The following C2CD2 variants were observed in gnomAD, a reference collection of about 807,000 sequenced individuals.
C2CD2 encodes C2 calcium dependent domain containing 2.
A neutral mutation model predicts 74.3 loss-of-function variants in C2CD2; 43 were observed. The observed-to-expected ratio is 0.58, with a 90% CI of 0.45 to 0.75. C2CD2 has a LOEUF of 0.75. Among genes scored for constraint, C2CD2 ranks in the 30% least tolerant of loss-of-function variants. The probability of loss-of-function intolerance (pLI) is 0.00; values close to 1 mark genes in which losing one functional copy is unlikely to be tolerated. For missense variants in C2CD2, 801 were observed against 916.3 expected, an observed-to-expected ratio of 0.87 and a Z score of 1.63; for synonymous variants, 422 against 390.7, an observed-to-expected ratio of 1.08 and a Z score of -0.94.
At position 41,953,903 on chromosome 21, in the gene C2CD2, C is replaced by A; in HGVS notation, c.-255G>T. ...CAGGGGCGCGAGCGGACCCCGCGGC[C>A]CGCGCTCCCGACTCGGCGTCTGGGA... On this transcript the variant is annotated 5_prime_UTR_variant, in exon 1 of 14. Transcript: ENST00000380486. 5.2e-6 allele frequency: 1 copy of A among 192,258 alleles called. No homozygotes were observed. Among genetic ancestry groups the A allele is most frequent in the Non-Finnish European group, 1.0e-5 (1 of 96,322 alleles). The allele number at this position is 192,258 out of a possible 1,614,324, so 11.9% of individuals were successfully genotyped here.
chr21:41,918,007 G>T, intron 5 of C2CD2, 98 bp downstream of exon 5: 1 of 1,414,094 alleles, frequency 7.1e-7, no homozygotes, highest in Non-Finnish European at 9.9e-7. Flanking sequence ...TACCATGGGA[G>T]GTGGAGGAAC....
chr21:41,924,674 A>G lies in C2CD2; in HGVS notation c.379-2589T>C, dbSNP rs888108239. Among the ~76,000 whole-genome samples the G allele has an allele frequency of 6.6e-6, 1 of 152,176 alleles. No homozygotes were observed. Among genetic ancestry groups the G allele is most frequent in the Admixed American group, 6.5e-5 (1 of 15,286 alleles). ...TCCCTGTCCTTGGTCTCAACAGCCC[A>G]CTCCTTTTACTGCTTAAAGTAAAAA... is the stretch of plus-strand genomic sequence containing the variant. On this transcript the variant is annotated intron_variant, in intron 2 of 13. Coordinates refer to ENST00000380486, the MANE Select transcript of C2CD2 (RefSeq NM_015500.2). The surrounding 1 kb of genome is among the most constrained non-coding windows in gnomAD (Gnocchi z 4.4).
Position 41,931,886 on chromosome 21 carries a change from GCATCCCACCAC to G in C2CD2, c.379-9812_379-9802del, listed in dbSNP as rs1312729718. ...CCAACATCCCACCACCCCACCTCCA[GCATCCCACCAC>G]CCCACCTCCAGCATCCCACCACCCC... is the stretch of plus-strand genomic sequence containing the variant. On this transcript the variant is annotated intron_variant, in intron 2 of 13. Coordinates refer to ENST00000380486, the MANE Select transcript of C2CD2 (RefSeq NM_015500.2). 7.4e-4 allele frequency among the ~76,000 whole-genome samples: 55 copies of G among 74,452 alleles called. 2 individuals carry two copies. The highest frequency in any genetic ancestry group is 2.0e-4 in the Non-Finnish European group (7 of 35,726). 48.8% of individuals were successfully genotyped at this position (74,452 alleles called of 152,430 possible).
chr21:41,888,967 T>G lies in C2CD2; in HGVS notation c.*157A>C, dbSNP rs1233653266. On this transcript the variant is annotated 3_prime_UTR_variant, in exon 14 of 14. Transcript: ENST00000380486. Reference sequence around the variant, plus strand: ...TGGGAGAAGCCTCCTGGCTGGAGACTCAGATTTTGTTTTCCCTTTAAATGA... The same window carrying G: ...TGGGAGAAGCCTCCTGGCTGGAGACGCAGATTTTGTTTTCCCTTTAAATGA... The G allele has an allele frequency of 3.1e-6, 2 of 642,896 alleles. No homozygotes were observed. Among genetic ancestry groups the G allele is most frequent in the East Asian group, 2.7e-5 (1 of 36,522 alleles). The allele number at this position is 642,896 out of a possible 1,614,324, so 39.8% of individuals were successfully genotyped here.
rs533391425 is a variant in C2CD2, at chr21:41,924,429, C to T, written c.379-2344G>A. Among the ~76,000 whole-genome samples, 5 of 152,310 alleles carry T rather than the reference C, an allele frequency of 3.3e-5. No individual in the cohort carries two copies. The highest frequency in any genetic ancestry group is 2.1e-4 in the South Asian group (1 of 4,828). Reference sequence around the variant, plus strand: ...CAGAAAGTCGTGCAACTCTTTCTACCGGTTCTTATAACGCCACGTTCAGAA... The same window carrying T: ...CAGAAAGTCGTGCAACTCTTTCTACTGGTTCTTATAACGCCACGTTCAGAA... On this transcript the variant is annotated intron_variant, in intron 2 of 13. Transcript: ENST00000380486. The surrounding 1 kb of genome is among the most constrained non-coding windows in gnomAD (Gnocchi z 4.4).
chr21:41,907,109 C>G lies in C2CD2; in HGVS notation c.1201G>C (p.Ala401Pro). 1 of 1,614,040 alleles carries G rather than the reference C, an allele frequency of 6.2e-7. No individual in the cohort carries two copies. The highest frequency in any genetic ancestry group is 8.5e-7 in the Non-Finnish European group (1 of 1,179,898). Reference sequence around the variant, plus strand: ...GTGCGGTCCTTTTCTATTTTTGCAGCAGGAACAGGGGGAGGGATGGGCCAG... The same window carrying G: ...GTGCGGTCCTTTTCTATTTTTGCAGGAGGAACAGGGGGAGGGATGGGCCAG... ...KSWPIPPPVPAAKIEKDRTVM... is the reference protein window; with the variant it reads ...KSWPIPPPVPPAKIEKDRTVM... Residue 401 changes from alanine to proline, a missense_variant, in exon 10 of 14, where the codon GCT (alanine) becomes CCT (proline). Transcript: ENST00000380486.
intron 6 of C2CD2, among the ~76,000 whole-genome samples, chr21:41,913,758 C>T (rs1285473371): frequency 1.3e-5 from 2 of 152,172 alleles, no homozygotes; most frequent in Admixed American, 6.5e-5. Context: ...AATGGAGTCG[C>T]GCTGTAAAGA....
intron 7 of C2CD2, 66 bp from the exon 8 acceptor site, chr21:41,909,589 G>A (rs2065003366): frequency 1.9e-6 from 2 of 1,076,300 alleles, no homozygotes; most frequent in Non-Finnish European, 2.9e-6. Context: ...ATGAAATAGA[G>A]TGTTTTTTCT....
At chr21:41,893,290 A>C (rs1264340665) in intron 13 of C2CD2, among the ~76,000 whole-genome samples, 1 of 152,218 alleles carries the variant, frequency 6.6e-6, no homozygotes, top group African/African-American at 2.4e-5. Flanking sequence ...TTGCTTGAGC[A>C]CAAGAATTCG....
rs565933944 is a variant in C2CD2 at position 41,940,486 on chromosome 21, G to A, written c.378+1661C>T. Among the ~76,000 whole-genome samples the A allele has an allele frequency of 6.7e-4, 102 of 152,314 alleles. 2 individuals carry two copies. Among genetic ancestry groups the A allele is most frequent in the African/African-American group, 2.1e-3 (89 of 41,558 alleles). ...CTCCTCAGTCTGGGGCCACACAGGCGTCCCCTCCTTGCTGCCTGCTAAATG... is the reference window on the plus strand; with the variant it reads ...CTCCTCAGTCTGGGGCCACACAGGCATCCCCTCCTTGCTGCCTGCTAAATG... On this transcript the variant is annotated intron_variant, in intron 2 of 13. Transcript: ENST00000380486.
Position 41,901,733 on chromosome 21 carries a change from A to G in C2CD2, c.1449T>C (p.Asn483=). ...CCACTTCAGCCACTGGATCCGAACC[A>G]TTCAACACCAACAATTCTACCAGAA... ...SSSDTELLVL[N]GSDPVAEVAI... The change falls in exon 12 of 14, where the codon AAT becomes AAC. Residue 483 remains asparagine, a synonymous_variant. Coordinates refer to ENST00000380486, the MANE Select transcript of C2CD2 (RefSeq NM_015500.2). The G allele has an allele frequency of 6.2e-7, 1 of 1,614,108 alleles. No homozygotes were observed. The highest frequency in any genetic ancestry group is 8.5e-7 in the Non-Finnish European group (1 of 1,179,906).
intron 4 of C2CD2, among the ~76,000 whole-genome samples, chr21:41,918,480 A>C (rs889239221): frequency 2.6e-5 from 4 of 152,200 alleles, no homozygotes; most frequent in Admixed American, 2.6e-4. Context: ...GACATGGTGG[A>C]GCGTCAAGCA....
At position 41,942,159 on chromosome 21, in the gene C2CD2, C is replaced by T. The variant is rs770471772; in HGVS notation, c.366G>A (p.Ser122=). ...VVQEVSSVLR[S]AEEKVVVCHV... is the part of the protein sequence containing the mutation. ...CTCCTGGGCTCACCTTCTCCTCCGCCGACCTGAGCACGCTGGAGACCTCCT... is the reference window on the plus strand; with the variant it reads ...CTCCTGGGCTCACCTTCTCCTCCGCTGACCTGAGCACGCTGGAGACCTCCT... Residue 122 remains serine, a synonymous_variant, in exon 2 of 14, where the codon TCG becomes TCA. Coordinates refer to ENST00000380486, the MANE Select transcript of C2CD2 (RefSeq NM_015500.2). The T allele has an allele frequency of 4.4e-5, 68 of 1,549,416 alleles. No individual in the cohort carries two copies. The highest frequency in any genetic ancestry group is 4.6e-4 in the Middle Eastern group (2 of 4,394).
intron 1 of C2CD2, among the ~76,000 whole-genome samples, chr21:41,951,964 C>T (rs991133454): frequency 9.9e-5 from 15 of 152,210 alleles, no homozygotes; most frequent in African/African-American, 3.4e-4. Context: ...CCAATCAAGC[C>T]ACCAGCCTGG....
At chr21:41,907,901 G>A (rs1255017695) in intron 8 of C2CD2, 117 bp from the exon 9 acceptor site, 19 of 1,019,094 alleles carry the variant, frequency 1.9e-5, no homozygotes, top group East Asian at 2.4e-5. Context: ...TCCAGCCCAC[G>A]GGGAAGTGCT....
Position 41,905,119 on chromosome 21 carries a change from C to T in C2CD2, c.1432+605G>A, listed in dbSNP as rs942055242. 1.2e-4 allele frequency among the ~76,000 whole-genome samples: 18 copies of T among 152,000 alleles called. 1 individual carries two copies. Among genetic ancestry groups the T allele is most frequent in the Admixed American group, 1.2e-3 (18 of 15,254 alleles). ...ACTTATTTGCTATTAATGTAGCTAG[C>T]GTGTTGTGCAAGAGAAAAATGAACA... On this transcript the variant is annotated intron_variant, in intron 11 of 13. Coordinates refer to ENST00000380486, the MANE Select transcript of C2CD2 (RefSeq NM_015500.2).
chr21:41,900,062 G>A (rs528008832), intron 12 of C2CD2, among the ~76,000 whole-genome samples: 22 of 152,028 alleles, frequency 1.4e-4, no homozygotes, highest in Non-Finnish European at 2.8e-4. Context: ...GCCAGCCTGT[G>A]GAAGCGCCCA....
rs923797258 is a variant in C2CD2 at position 41,948,878 on chromosome 21, TTTTTTTTTTTTTTTC to T, written c.279+4477_279+4491del. 6.8e-4 allele frequency among the ~76,000 whole-genome samples: 87 copies of T among 127,806 alleles called. 2 individuals carry two copies. Among genetic ancestry groups the T allele is most frequent in the Admixed American group, 2.5e-3 (31 of 12,324 alleles). 83.8% of individuals were successfully genotyped at this position (127,806 alleles called of 152,430 possible). ...CCAAGTCCACACAGCATCTTTTTTTTTTTTTTTTTTTTTTCTTTTTTTTTACAAAGACCATAATGA... is the reference window on the plus strand; with the variant it reads ...CCAAGTCCACACAGCATCTTTTTTTTTTTTTTTTTACAAAGACCATAATGA... On this transcript the variant is annotated intron_variant, in intron 1 of 13. Coordinates refer to ENST00000380486, the MANE Select transcript of C2CD2 (RefSeq NM_015500.2).
rs1419807502 is a variant in C2CD2, at chr21:41,903,691, C to T, written c.1433-1942G>A. ...AGACGTGTCGGGAGCACGTCCTCCT[C>T]ACGCCAGGCCCAGTGCTTCTGTTCA... On this transcript the variant is annotated intron_variant, in intron 11 of 13. Transcript: ENST00000380486. The surrounding 1 kb of genome is among the most constrained non-coding windows in gnomAD (Gnocchi z 4.5). Among the ~76,000 whole-genome samples, 1 of 152,182 alleles carries T rather than the reference C, an allele frequency of 6.6e-6. No individual in the cohort carries two copies. The highest frequency in any genetic ancestry group is 1.5e-5 in the Non-Finnish European group (1 of 68,034).
Sources: allele counts gnomAD v4.1 joint callset (sites outside exome capture counted in the v4.1 genomes callset), GRCh38; gene constraint gnomAD v4.1.1; non-coding constraint Gnocchi (gnomAD v3.1); transcripts MANE v1.5; gene names NCBI Gene and HGNC (gene_info 2026-07-23, HGNC 2026-07-21).